Variants in CMYA5 observed in about 807,000 individuals in gnomAD.
CMYA5 encodes cardiomyopathy-associated protein 5.
In CMYA5, 246 loss-of-function variants were observed where a neutral mutation model predicts 318.9. The ratio of observed to expected loss-of-function variants is 0.77; its 90% CI spans 0.70 to 0.86. CMYA5 has a LOEUF of 0.86. Ranked by LOEUF, CMYA5 falls within the 40% of genes least tolerant of loss-of-function variation. CMYA5 has a pLI of 0.00. For synonymous variants in CMYA5, 1,641 were observed against 1,729.5 expected, an observed-to-expected ratio of 0.95 and a Z score of 1.27; for missense variants, 4,589 against 4,678.2, an observed-to-expected ratio of 0.98 and a Z score of 0.56.
intron 6 of CMYA5, among the ~76,000 whole-genome samples, chr5:79,758,286 C>G (rs140155982): frequency 1.2e-4 from 18 of 149,884 alleles, no homozygotes; most frequent in East Asian, 5.9e-4. Context: ...GATCCCAACA[C>G]TTTGGGAGGC....
intron 9 of CMYA5, among the ~76,000 whole-genome samples, chr5:79,784,884 C>A (rs944302431): frequency 6.6e-6 from 1 of 151,934 alleles, no homozygotes; most frequent in Non-Finnish European, 1.5e-5. Context: ...TCTTCTGCGT[C>A]GCTCACGCTG....
intron 1 of CMYA5, among the ~76,000 whole-genome samples, chr5:79,713,354 G>C (rs1344768100): frequency 7.4e-6 from 1 of 135,106 alleles, no homozygotes. Context: ...TGTCAATAGT[G>C]TCACTGTGGA....
At chr5:79,784,814 G>C (rs1829052523) in intron 9 of CMYA5, among the ~76,000 whole-genome samples, 1 of 149,798 alleles carries the variant, frequency 6.7e-6, no homozygotes, top group Non-Finnish European at 1.5e-5. Context: ...TGCGCCCACT[G>C]TCTGGCACTC....
In CMYA5 at chr5:79,732,268, C is replaced by T; in HGVS notation, c.3503C>T (p.Ser1168Phe). 6.2e-7 allele frequency: 1 copy of T among 1,613,920 alleles called. No individual in the cohort carries two copies. Among genetic ancestry groups the T allele is most frequent in the Non-Finnish European group, 8.5e-7 (1 of 1,179,868 alleles). ...SIVKEETKPA[S>F]PHSVLPDSVP... Reference sequence around the variant, plus strand: ...GTAAAGGAAGAAACCAAACCTGCATCTCCACATTCAGTTTTACCTGATTCA... The same window carrying T: ...GTAAAGGAAGAAACCAAACCTGCATTTCCACATTCAGTTTTACCTGATTCA... The change falls in exon 2 of 13, where the codon TCT becomes TTT. Residue 1168 changes from serine (S) to phenylalanine (F), a missense_variant. Physicochemically the swap from Ser to Phe is radical, Grantham distance 155. Transcript: ENST00000446378.
chr5:79,770,422 G>C (rs1580798539), intron 9 of CMYA5, among the ~76,000 whole-genome samples: 2 of 152,180 alleles, frequency 1.3e-5, no homozygotes, highest in Non-Finnish European at 2.9e-5. Flanking sequence ...GAAACCCAGG[G>C]CCTGGTGGTG....
chr5:79,705,731 G>A (rs147962565), intron 1 of CMYA5, among the ~76,000 whole-genome samples: 3,706 of 152,232 alleles, frequency 0.024, 69 homozygotes, highest in Middle Eastern at 0.034. Flanking sequence ...ACCAATCAGC[G>A]TCTAGGACTT....
Position 79,764,833 on chromosome 5 carries a change from TG to T in CMYA5, c.11555+1628del, listed in dbSNP as rs1325360152. ...TTCATATCCTTTGCCCACTTTTTGA[TG>T]GGGTTTTTTTTTCTTGTAAATTTGT... On this transcript the variant is annotated intron_variant, in intron 9 of 12. Transcript: ENST00000446378. Among the ~76,000 whole-genome samples the T allele has an allele frequency of 1.2e-4, 18 of 152,222 alleles. No homozygotes were observed. In the East Asian group the frequency reaches 2.9e-3, roughly 24 times the overall value.
rs988754091 is a variant in CMYA5 at position 79,705,203 on chromosome 5, C to T, written c.149+15147C>T. Among the ~76,000 whole-genome samples the T allele has an allele frequency of 7.2e-5, 11 of 152,240 alleles. No individual in the cohort carries two copies. The East Asian group carries it at 1.4e-3, about 19-fold the overall frequency. ...AAGAGGATCTCTTGAACCTGGGAAG[C>T]GGAGGCTGCAGTGAGGCGAGATCGT... On this transcript the variant is annotated intron_variant, in intron 1 of 12. Transcript: ENST00000446378.
intron 9 of CMYA5, among the ~76,000 whole-genome samples, chr5:79,770,384 G>A (rs985167613): frequency 6.5e-5 from 9 of 139,474 alleles, no homozygotes; most frequent in African/African-American, 2.2e-4. Context: ...CTCAGTGCCT[G>A]CCCAAATGGC....
At chr5:79,750,265 A>G (rs1165305983) in intron 5 of CMYA5, among the ~76,000 whole-genome samples, 2 of 149,130 alleles carry the variant, frequency 1.3e-5, no homozygotes, top group Non-Finnish European at 3.0e-5. Context: ...TAATAAATAC[A>G]GTACAGTACT....
chr5:79,716,894 C>T (rs1198955329), intron 1 of CMYA5, among the ~76,000 whole-genome samples: 1 of 152,142 alleles, frequency 6.6e-6, no homozygotes, highest in East Asian at 1.9e-4. Context: ...ATAGTGCAGA[C>T]CAAATTGATT....
rs368824396 is a variant in CMYA5, at chr5:79,738,230, G to A, written c.9465G>A (p.Met3155Ile). The A allele has an allele frequency of 6.4e-5, 104 of 1,613,618 alleles. No individual in the cohort carries two copies. Among genetic ancestry groups the A allele is most frequent in the Middle Eastern group, 1.6e-4 (1 of 6,078 alleles). ...KRDVDSKSPG[M>I]PLFEAEEGVL... is the part of the protein sequence containing the mutation. ...ATGTGGACTCAAAGTCACCGGGGAT[G>A]CCTTTATTTGAAGCAGAGGAAGGAG... Residue 3155 changes from methionine to isoleucine, a missense_variant, in exon 2 of 13, where the codon ATG becomes ATA. By Grantham distance (10) the Met-to-Ile change is conservative (BLOSUM62 1). Transcript: ENST00000446378.
In CMYA5 at chr5:79,732,624, G is replaced by A. The variant is rs765979051; in HGVS notation, c.3859G>A (p.Glu1287Lys). Reference sequence around the variant, plus strand: ...AATAAAACCATATTCACCTCTAAAGGAAACATCTTTATCTGGACCTGAGGC... The same window carrying A: ...AATAAAACCATATTCACCTCTAAAGAAAACATCTTTATCTGGACCTGAGGC... ...EVIKPYSPLK[E>K]TSLSGPEALS... is the part of the protein sequence containing the mutation. The change falls in exon 2 of 13, where the codon GAA becomes AAA. Residue 1287 changes from glutamate (E) to lysine (K), a missense_variant. Glu to Lys is a moderately conservative substitution (Grantham distance 56). This residue lies in a region of CMYA5 where 2,132 missense variants were observed against 2,131.3 expected (regional missense o/e 1.00). Transcript: ENST00000446378. The A allele has an allele frequency of 4.3e-6, 7 of 1,613,248 alleles. 1 individual carries two copies. The highest frequency in any genetic ancestry group is 1.7e-4 in the Middle Eastern group (1 of 6,060).
intron 9 of CMYA5, among the ~76,000 whole-genome samples, chr5:79,788,658 T>C (rs1020558453): frequency 2.6e-5 from 4 of 152,114 alleles, no homozygotes; most frequent in African/African-American, 9.7e-5. Context: ...TGGCCAGAAA[T>C]TGATAAAGAA....
rs1827978307 is a variant in CMYA5, at chr5:79,733,735, C to G, written c.4970C>G (p.Ala1657Gly). 1.9e-6 allele frequency: 3 copies of G among 1,613,734 alleles called. No homozygotes were observed. Among genetic ancestry groups the G allele is most frequent in the East Asian group, 2.2e-5 (1 of 44,876 alleles). Residue 1657 changes from alanine (A) to glycine (G), a missense_variant, in exon 2 of 13, where the codon GCA becomes GGA. Around this residue, in one of 3 missense-constraint regions of CMYA5, gnomAD observed 2,132 missense variants for 2,131.3 expected, o/e 1.00. Coordinates refer to ENST00000446378, the MANE Select transcript of CMYA5 (RefSeq NM_153610.5). ...AGTGGATCCATAGGTACAAAACAAG[C>G]AAAGTCTCCCATAACTGAAACAGAG... ...RQSGSIGTKQ[A>G]KSPITETEDS...
Position 79,736,484 on chromosome 5 carries a change from T to C in CMYA5, c.7719T>C (p.Asp2573=). ...NVAESMSRES[D]ISLGHSLGET... ...CCGAGTCTATGAGTAGAGAATCAGA[T>C]ATCTCTTTAGGTCATTCTTTGGGTG... Residue 2573 remains aspartate (D), a synonymous_variant, in exon 2 of 13, where the codon GAT becomes GAC. Coordinates refer to ENST00000446378, the MANE Select transcript of CMYA5 (RefSeq NM_153610.5). 6.2e-7 allele frequency: 1 copy of C among 1,611,642 alleles called. No homozygotes were observed. The highest frequency in any genetic ancestry group is 1.3e-5 in the African/African-American group (1 of 75,018).
intron 3 of CMYA5, among the ~76,000 whole-genome samples, chr5:79,744,191 G>C (rs1442843885): frequency 6.6e-6 from 1 of 152,180 alleles, no homozygotes; most frequent in Non-Finnish European, 1.5e-5. Flanking sequence ...TGCTTTACAT[G>C]CTTTACCTGA....
In CMYA5 at chr5:79,790,983, C is replaced by T. The variant is rs367577043; in HGVS notation, c.11703C>T (p.Leu3901=). ...ALISTRGTRF[L]LLRETAHPAL... ...CACCTGCAATAGGAACCAGATTTCT[C>T]TTGTTGAGAGAAACAGCTCATCCTG... Residue 3901 remains leucine, a synonymous_variant, in exon 11 of 13, where the codon CTC becomes CTT. Coordinates refer to ENST00000446378, the MANE Select transcript of CMYA5 (RefSeq NM_153610.5). The T allele has an allele frequency of 2.5e-6, 4 of 1,612,952 alleles. No individual in the cohort carries two copies. The African/African-American group carries it at 5.3e-5, about 22-fold the overall frequency.
rs1314036935 is a variant in CMYA5, at chr5:79,731,732, T to C, written c.2967T>C (p.Asp989=). 6.2e-7 allele frequency: 1 copy of C among 1,613,832 alleles called. No homozygotes were observed. Among genetic ancestry groups the C allele is most frequent in the Admixed American group, 1.7e-5 (1 of 59,980 alleles). ...TSPSEHTILS[D]EDTEEAELFS... ...CATCTGAGCACACTATTTTGTCAGA[T>C]GAAGACACTGAAGAAGCGGAACTGT... The change falls in exon 2 of 13, where the codon GAT becomes GAC. Residue 989 remains aspartate (D), a synonymous_variant. Transcript: ENST00000446378.
Sources: allele counts gnomAD v4.1 joint callset (sites outside exome capture counted in the v4.1 genomes callset), GRCh38; gene constraint gnomAD v4.1.1; regional missense constraint gnomAD v4.1.1; transcripts MANE v1.5; gene names NCBI Gene and HGNC (gene_info 2026-07-23, HGNC 2026-07-21).